DMAC2L: variants seen among roughly 807,000 people sequenced by gnomAD.
The protein encoded by DMAC2L is distal membrane arm assembly component 2 like.
Under a neutral mutation model 22.5 loss-of-function variants are expected in DMAC2L, and 21 were observed. That is an observed-to-expected ratio of 0.93 (90% CI 0.66 to 1.34). The LOEUF is 1.34. Ranked by LOEUF, DMAC2L falls within the 40% of genes most tolerant of loss-of-function variation. The pLI, the probability that DMAC2L is intolerant of heterozygous loss-of-function variation, is 0.00. For missense variants in DMAC2L, 239 were observed against 246.5 expected, an observed-to-expected ratio of 0.97 and a Z score of 0.20; for synonymous variants, 86 against 89.5, an observed-to-expected ratio of 0.96 and a Z score of 0.22.
intron 2 of DMAC2L, chr14:50,319,248 T>A (rs547837590): frequency 3.9e-6 from 6 of 1,536,144 alleles, no homozygotes; most frequent in Admixed American, 2.0e-5. Flanking sequence ...TAAGAGGTAG[T>A]GGAGCAGAGG....
chr14:50,312,327 C>T lies in DMAC2L; in HGVS notation c.-104C>T. 3.4e-6 allele frequency: 3 copies of T among 875,404 alleles called. No individual in the cohort carries two copies. The highest frequency in any genetic ancestry group is 5.2e-6 in the Non-Finnish European group (3 of 577,160). 54.2% of individuals were successfully genotyped at this position (875,404 alleles called of 1,614,324 possible). On this transcript the variant is annotated 5_prime_UTR_variant, in exon 1 of 6. Transcript: ENST00000557421. ...GGCGCGCGCGTCGGAGGGCGAAGGG[C>T]CGGCCAGGGTGCCGCAGACGCGGGG...
intron 2 of DMAC2L, among the ~76,000 whole-genome samples, chr14:50,317,869 G>A (rs560579115): frequency 1.3e-5 from 2 of 152,086 alleles, no homozygotes; most frequent in African/African-American, 4.8e-5. Flanking sequence ...TTCATATTAT[G>A]TTGGCTGTGG....
At chr14:50,322,822 C>A in intron 4 of DMAC2L, 103 bp downstream of exon 4, 1 of 1,553,416 alleles carries the variant, frequency 6.4e-7, no homozygotes, top group Admixed American at 1.9e-5. Flanking sequence ...TCCTTTTTGC[C>A]CATTTCATTA....
intron 1 of DMAC2L, chr14:50,312,656 G>C (rs1440614362): frequency 8.8e-6 from 2 of 226,754 alleles, no homozygotes; most frequent in Non-Finnish European, 1.7e-5. Flanking sequence ...AGCTCCAGCC[G>C]GGTCCTCGCT....
At chr14:50,323,643 C>T (rs907834449) in intron 4 of DMAC2L, among the ~76,000 whole-genome samples, 1 of 152,128 alleles carries the variant, frequency 6.6e-6, no homozygotes, top group Non-Finnish European at 1.5e-5. Flanking sequence ...ATCCACCCGC[C>T]TCAGCCTCCC....
At position 50,315,253 on chromosome 14, in the gene DMAC2L, A is replaced by G. The variant is rs138383863; in HGVS notation, c.-6+627A>G. Among the ~76,000 whole-genome samples, 837 of 150,776 alleles carry G rather than the reference A, an allele frequency of 5.6e-3. 6 individuals carry two copies. Among genetic ancestry groups the G allele is most frequent in the Non-Finnish European group, 8.7e-3 (586 of 67,710 alleles). ...AGTGTTGGGATTACAGGCATGAGCC[A>G]CTGCGCCCAGCCTATTATGTCATTC... On this transcript the variant is annotated intron_variant, in intron 2 of 5. Coordinates refer to ENST00000557421, the MANE Select transcript of DMAC2L (RefSeq NM_001382507.1).
Position 50,322,498 on chromosome 14 carries a change from C to T in DMAC2L, c.108-13C>T, listed in dbSNP as rs1465546476. 2 of 1,575,092 alleles carry T rather than the reference C, an allele frequency of 1.3e-6. No individual in the cohort carries two copies. The highest frequency in any genetic ancestry group is 1.7e-6 in the Non-Finnish European group (2 of 1,156,860). On this transcript the variant is annotated splice_polypyrimidine_tract_variant and intron_variant, in intron 3 of 5. Coordinates refer to ENST00000557421, the MANE Select transcript of DMAC2L (RefSeq NM_001382507.1). ...ATTGTAAAAGCAAACTGCTTTTTTT[C>T]TCTTGCCAACAGGGTGGATTATGAT...
rs1331365041 is a variant in DMAC2L, at chr14:50,327,359, T to G, written c.*1636T>G. On this transcript the variant is annotated 3_prime_UTR_variant, in exon 6 of 6. Coordinates refer to ENST00000557421, the MANE Select transcript of DMAC2L (RefSeq NM_001382507.1). ...CAAAAAAAAAAAAAAAAGTGAAAAA[T>G]AGATAAAACAGGTCTTCATTGTTAC... is the stretch of plus-strand genomic sequence containing the variant. 1 of 145,340 alleles carries G rather than the reference T, an allele frequency of 6.9e-6. No individual in the cohort carries two copies. Among genetic ancestry groups the G allele is most frequent in the Non-Finnish European group, 1.5e-5 (1 of 66,462 alleles). 9.0% of individuals were successfully genotyped at this position (145,340 alleles called of 1,614,324 possible).
intron 2 of DMAC2L, 130 bp from the exon 3 acceptor site, chr14:50,321,353 T>C: frequency 1.4e-6 from 2 of 1,387,954 alleles, no homozygotes; most frequent in Admixed American, 3.2e-5. Context: ...AGGAGTGACT[T>C]GCTCAGTAAT....
chr14:50,312,904 C>G, intron 1 of DMAC2L: 1 of 1,043,750 alleles, frequency 9.6e-7, no homozygotes, highest in Non-Finnish European at 1.5e-6. Context: ...AAATATGGAG[C>G]GCCTGCTCTG....
intron 4 of DMAC2L, among the ~76,000 whole-genome samples, chr14:50,323,390 C>CTTTT (rs10609243): frequency 1.1e-5 from 1 of 93,336 alleles, no homozygotes; most frequent in Admixed American, 1.3e-4. Context: ...CACCCGGCCT[C>CTTTT]TTTTTTTTTT....
chr14:50,315,236 G>A (rs890668143), intron 2 of DMAC2L, among the ~76,000 whole-genome samples: 2 of 151,908 alleles, frequency 1.3e-5, no homozygotes, highest in South Asian at 2.1e-4. Context: ...AAAGTGTTGG[G>A]ATTACAGGCA....
upstream of DMAC2L, chr14:50,311,960 C>T (rs749364257): frequency 6.5e-7 from 1 of 1,539,996 alleles, no homozygotes; most frequent in South Asian, 1.2e-5. Context: ...CACCAGGTGC[C>T]TCCGCGAGGG....
rs2032665267 is a variant in DMAC2L, at chr14:50,325,644, G to C, written c.524G>C (p.Gly175Ala). The change falls in exon 6 of 6, where the codon GGA (glycine) becomes GCA (alanine). Residue 175 changes from glycine (G) to alanine (A), a missense_variant. Coordinates refer to ENST00000557421, the MANE Select transcript of DMAC2L (RefSeq NM_001382507.1). ...LKYLLLSDLPGVREKENLVQA... is the reference protein window; with the variant it reads ...LKYLLLSDLPAVREKENLVQA... ...TATTTGTTGTTAAGTGATCTTCCTG[G>C]AGTAAGAGAAAAAGAAAATCTTGTC... 6.2e-7 allele frequency: 1 copy of C among 1,612,346 alleles called. No homozygotes were observed. The highest frequency in any genetic ancestry group is 8.5e-7 in the Non-Finnish European group (1 of 1,179,250).
intron 2 of DMAC2L, among the ~76,000 whole-genome samples, chr14:50,318,227 T>C (rs189325570): frequency 6.6e-6 from 1 of 152,192 alleles, no homozygotes; most frequent in Non-Finnish European, 1.5e-5. Context: ...TCTTTCCCTA[T>C]AGAAAGCGTT....
intron 4 of DMAC2L, 198 bp downstream of exon 4, chr14:50,322,917 C>A: frequency 7.0e-7 from 1 of 1,434,882 alleles, no homozygotes; most frequent in Non-Finnish European, 9.1e-7. Flanking sequence ...TTCCTCCTCT[C>A]ACTAAGCTTG....
chr14:50,312,521 A>G (rs971162577), intron 1 of DMAC2L, 132 bp downstream of exon 1: 5 of 355,636 alleles, frequency 1.4e-5, no homozygotes, highest in African/African-American at 8.7e-5. Flanking sequence ...CTTCACCGCC[A>G]TGCGGACATG....
chr14:50,323,745 T>C (rs1051029123), intron 4 of DMAC2L, among the ~76,000 whole-genome samples, 200 bp from the exon 5 acceptor site: 5 of 152,184 alleles, frequency 3.3e-5, no homozygotes, highest in African/African-American at 1.2e-4. Flanking sequence ...TGCGGAATGG[T>C]CCTGTCCATC....
chr14:50,323,246 C>T lies in DMAC2L; in HGVS notation c.316+527C>T, dbSNP rs58755155. On this transcript the variant is annotated intron_variant, in intron 4 of 5. Coordinates refer to ENST00000557421, the MANE Select transcript of DMAC2L (RefSeq NM_001382507.1). Reference sequence around the variant, plus strand: ...GACTATAGGCGCCCGCCACCATGCCCGGCTAATTTTGTTTTTGTATTTTTA... The same window carrying T: ...GACTATAGGCGCCCGCCACCATGCCTGGCTAATTTTGTTTTTGTATTTTTA... 6.4e-3 allele frequency among the ~76,000 whole-genome samples: 966 copies of T among 151,274 alleles called. 13 individuals are homozygous for T. The highest frequency in any genetic ancestry group is 0.022 in the African/African-American group (888 of 41,204).
Sources: allele counts gnomAD v4.1 joint callset (sites outside exome capture counted in the v4.1 genomes callset), GRCh38; gene constraint gnomAD v4.1.1; transcripts MANE v1.5; gene names NCBI Gene and HGNC (gene_info 2026-07-23, HGNC 2026-07-21).